Variants in DEPTOR observed in about 807,000 individuals in gnomAD.
DEPTOR encodes DEP domain containing MTOR interacting protein.
Under a neutral mutation model 41.6 loss-of-function variants are expected in DEPTOR, and 41 were observed. The ratio of observed to expected loss-of-function variants is 0.98; its 90% CI spans 0.77 to 1.28. The LOEUF (loss-of-function observed/expected upper bound fraction) is 1.28, where lower values mean the gene tolerates loss of function less well. Among genes scored for constraint, DEPTOR ranks in the 50% most tolerant of loss-of-function variants. DEPTOR has a pLI of 0.00. For missense variants in DEPTOR, 514 were observed against 527.9 expected (o/e 0.97, Z 0.26); for synonymous variants, 195 against 192.3 (o/e 1.01, Z -0.12).
At chr8:119,927,784 T>G (rs1586618658) in intron 1 of DEPTOR, among the ~76,000 whole-genome samples, 1 of 151,734 alleles carries the variant, frequency 6.6e-6, no homozygotes, top group East Asian at 1.9e-4. Context: ...AATTTTTGTA[T>G]TTTTAGTAGA....
intron 1 of DEPTOR, among the ~76,000 whole-genome samples, chr8:119,885,582 G>A (rs907356661): frequency 1.3e-5 from 2 of 152,140 alleles, no homozygotes; most frequent in South Asian, 4.1e-4. Flanking sequence ...AGGCCTTGAC[G>A]CCATGATAAG....
chr8:119,921,886 A>G (rs28513081), intron 1 of DEPTOR, among the ~76,000 whole-genome samples: 75,384 of 150,968 alleles, frequency 0.5, 20,505 homozygotes, highest in African/African-American at 0.7. Context: ...TCAGCCTCCC[A>G]AGTAGCTGGG....
chr8:119,951,757 C>G (rs2129927862), intron 3 of DEPTOR, among the ~76,000 whole-genome samples: 1 of 152,174 alleles, frequency 6.6e-6, no homozygotes. Flanking sequence ...GCTCAGTTTT[C>G]TAAGAAATAA....
intron 3 of DEPTOR, among the ~76,000 whole-genome samples, chr8:119,933,488 A>ACG (rs1383782853): frequency 4.0e-5 from 6 of 149,334 alleles, no homozygotes; most frequent in Admixed American, 6.6e-5. Flanking sequence ...ACACACACAC[A>ACG]CACACACACA....
chr8:119,996,137 G>A (rs368294734), intron 4 of DEPTOR, among the ~76,000 whole-genome samples: 1 of 152,144 alleles, frequency 6.6e-6, no homozygotes, highest in Non-Finnish European at 1.5e-5. Flanking sequence ...GAATAAACAC[G>A]TGGCAACCTT....
chr8:119,893,072 C>T (rs536984839), intron 1 of DEPTOR, among the ~76,000 whole-genome samples: 58 of 152,254 alleles, frequency 3.8e-4, no homozygotes, highest in Non-Finnish European at 7.4e-4. Context: ...CATGAGCCAC[C>T]GCGCCTGGCA....
intron 4 of DEPTOR, among the ~76,000 whole-genome samples, chr8:119,990,556 T>G (rs966637729): frequency 3.9e-5 from 6 of 152,244 alleles, no homozygotes; most frequent in African/African-American, 1.4e-4. Flanking sequence ...ACACAGAAGC[T>G]GCAGCACTCA....
At chr8:119,918,775 G>A (rs1297622473) in intron 1 of DEPTOR, among the ~76,000 whole-genome samples, 2 of 151,900 alleles carry the variant, frequency 1.3e-5, no homozygotes, top group Non-Finnish European at 2.9e-5. Context: ...TGTATTTTTA[G>A]TAGTGACAAG....
At chr8:120,022,015 T>C (rs948364526) in intron 8 of DEPTOR, among the ~76,000 whole-genome samples, 5 of 151,992 alleles carry the variant, frequency 3.3e-5, no homozygotes, top group Admixed American at 6.6e-5. Flanking sequence ...TGGCACGTAG[T>C]CAGCCACTAC....
At chr8:119,932,814 G>A (rs1045828911) in intron 3 of DEPTOR, among the ~76,000 whole-genome samples, 16 of 152,184 alleles carry the variant, frequency 1.1e-4, no homozygotes, top group Admixed American at 4.6e-4. Context: ...AGACGTTTTT[G>A]AAGAGACAAC....
At chr8:119,914,117 C>T (rs1379838086) in intron 1 of DEPTOR, among the ~76,000 whole-genome samples, 1 of 150,748 alleles carries the variant, frequency 6.6e-6, no homozygotes, top group Non-Finnish European at 1.5e-5. Context: ...ATGATCTTGG[C>T]TCACTACAAC....
chr8:120,001,064 G>A (rs530797093), intron 4 of DEPTOR, among the ~76,000 whole-genome samples: 98 of 149,192 alleles, frequency 6.6e-4, no homozygotes, highest in African/African-American at 2.3e-3. Context: ...GTGACAGAGC[G>A]AGACACCATC....
intron 4 of DEPTOR, among the ~76,000 whole-genome samples, chr8:119,974,886 C>G (rs922278976): frequency 4.6e-5 from 7 of 152,060 alleles, no homozygotes; most frequent in Non-Finnish European, 7.4e-5. Flanking sequence ...AGAAAAAGAC[C>G]TTATACAAAT....
chr8:119,998,335 C>T (rs532941113), intron 4 of DEPTOR, among the ~76,000 whole-genome samples: 2 of 152,236 alleles, frequency 1.3e-5, no homozygotes, highest in South Asian at 2.1e-4. Flanking sequence ...ATTCACCTGC[C>T]TTGGCCTCCC....
In DEPTOR at chr8:120,034,451, T is replaced by C. The variant is rs1430099089; in HGVS notation, c.1102-15125T>C. 6.7e-5 allele frequency among the ~76,000 whole-genome samples: 9 copies of C among 133,504 alleles called. No individual in the cohort carries two copies. In the South Asian group the frequency reaches 1.0e-3, roughly 16 times the overall value. 87.6% of individuals were successfully genotyped at this position (133,504 alleles called of 152,430 possible). On this transcript the variant is annotated intron_variant, in intron 8 of 8. Coordinates refer to ENST00000286234, the MANE Select transcript of DEPTOR (RefSeq NM_022783.4). ...TCTTTTTTTTCCTTTTTCTTTTTTTTTTTTTTTTTTTTTTGAGATGGAGTC... is the reference window on the plus strand; with the variant it reads ...TCTTTTTTTTCCTTTTTCTTTTTTTCTTTTTTTTTTTTTTGAGATGGAGTC...
At chr8:119,933,962 C>T (rs111523539) in intron 3 of DEPTOR, among the ~76,000 whole-genome samples, 1 of 152,090 alleles carries the variant, frequency 6.6e-6, no homozygotes, top group African/African-American at 2.4e-5. Flanking sequence ...TCACTACAAC[C>T]TTCACCTCCT....
intron 1 of DEPTOR, among the ~76,000 whole-genome samples, chr8:119,923,353 C>A (rs1673118708): frequency 6.6e-6 from 1 of 152,026 alleles, no homozygotes; most frequent in African/African-American, 2.4e-5. Context: ...AAGTGATGCT[C>A]CCACTTCAGC....
intron 1 of DEPTOR, among the ~76,000 whole-genome samples, chr8:119,889,940 T>C (rs925347787): frequency 5.1e-4 from 77 of 152,078 alleles, no homozygotes; most frequent in African/African-American, 1.8e-3. Flanking sequence ...GTGATCAAGG[T>C]GTCTTTTTTG....
chr8:119,903,299 T>C (rs11992335), intron 1 of DEPTOR, among the ~76,000 whole-genome samples: 32,912 of 152,034 alleles, frequency 0.22, 4,103 homozygotes, highest in African/African-American at 0.32. Flanking sequence ...GGTTTCGCCA[T>C]GTTAGCCAGG....
Sources: gnomAD v4.1 joint callset for allele counts (sites outside exome capture counted in the v4.1 genomes callset) on GRCh38, gnomAD v4.1.1 for gene constraint, MANE v1.5 for transcripts, NCBI Gene and HGNC (gene_info 2026-07-23, HGNC 2026-07-21) for gene names.